DHRS3: variants seen among roughly 807,000 people sequenced by gnomAD.
The protein encoded by DHRS3 is short-chain dehydrogenase/reductase 3.
Under a neutral mutation model 27.2 loss-of-function variants are expected in DHRS3, and 14 were observed. The ratio of observed to expected loss-of-function variants is 0.52; its 90% CI spans 0.34 to 0.81. The LOEUF (loss-of-function observed/expected upper bound fraction) is 0.81. Ranked by LOEUF, DHRS3 falls within the 30% of genes least tolerant of loss-of-function variation. The pLI, the probability that DHRS3 is intolerant of heterozygous loss-of-function variation, is 0.01. For missense variants in DHRS3, 322 were observed against 406.2 expected (o/e 0.79, Z 1.78); for synonymous variants, 165 against 175.9 (o/e 0.94, Z 0.49).
chr1:12,611,689 G>A (rs1254251777), intron 1 of DHRS3, among the ~76,000 whole-genome samples: 2 of 152,060 alleles, frequency 1.3e-5, no homozygotes, highest in South Asian at 2.1e-4. Context: ...TGTGTAAGAC[G>A]AGAATTTTTG....
At chr1:12,585,215 CTG>C (rs141619246) in intron 1 of DHRS3, among the ~76,000 whole-genome samples, 7 of 12,142 alleles carry the variant, frequency 5.8e-4, no homozygotes, top group Non-Finnish European at 1.5e-3. Context: ...CTGTGTATCT[CTG>C]TGTGTGTGTG....
At position 12,617,628 on chromosome 1, in the gene DHRS3, T is replaced by G. The variant is rs1448628613; in HGVS notation, c.-280A>C. ...GGGGGAAGCCGGAGGTGGAAAGTTC[T>G]AACAAGAAGTTTCTTGCCCCAGCAG... On this transcript the variant is annotated 5_prime_UTR_variant, in exon 1 of 6. Coordinates refer to ENST00000616661, the MANE Select transcript of DHRS3 (RefSeq NM_004753.7). The G allele has an allele frequency of 1.7e-5, 5 of 299,448 alleles. No individual in the cohort carries two copies. Among genetic ancestry groups the G allele is most frequent in the Non-Finnish European group, 3.0e-5 (5 of 165,848 alleles). 18.5% of individuals were successfully genotyped at this position (299,448 alleles called of 1,614,324 possible). A position where few individuals can be genotyped will look rare whatever the true frequency, so the allele number is the denominator to read the frequency against.
Position 12,578,038 on chromosome 1 carries a change from T to C in DHRS3, c.698+680A>G, listed in dbSNP as rs1233572155. Among the ~76,000 whole-genome samples the C allele has an allele frequency of 6.6e-6, 1 of 152,130 alleles. No individual in the cohort carries two copies. The highest frequency in any genetic ancestry group is 1.5e-5 in the Non-Finnish European group (1 of 68,022). On this transcript the variant is annotated intron_variant, in intron 4 of 5. Transcript: ENST00000616661. This position sits in a 1 kb window ranked among gnomAD's most constrained non-coding sequence, Gnocchi z 4.5. ...GGGGAAGCCACGGGTCTGATTTCCA[T>C]CACCCTAACCCAGTTTTGCCTGTTT...
intron 4 of DHRS3, among the ~76,000 whole-genome samples, chr1:12,577,626 A>C (rs530301045): frequency 6.6e-6 from 1 of 152,236 alleles, no homozygotes; most frequent in South Asian, 2.1e-4. Flanking sequence ...GGAGTTTGAG[A>C]TCAGCCTGGC....
intron 5 of DHRS3, among the ~76,000 whole-genome samples, chr1:12,571,615 C>T (rs530303451): frequency 4.0e-5 from 6 of 150,968 alleles, no homozygotes; most frequent in African/African-American, 1.5e-4. Flanking sequence ...ACCTCAACCT[C>T]TGCCTCCTGG....
chr1:12,601,473 GGAGA>G (rs1246039605), intron 1 of DHRS3, among the ~76,000 whole-genome samples: 2 of 152,092 alleles, frequency 1.3e-5, no homozygotes, highest in African/African-American at 4.8e-5. Flanking sequence ...CAAAGTGAGG[GGAGA>G]GAGAAACTCT....
intron 1 of DHRS3, among the ~76,000 whole-genome samples, chr1:12,616,178 G>T (rs978936109): frequency 6.6e-6 from 1 of 152,144 alleles, no homozygotes. Context: ...CTGGCTTTGC[G>T]GCCCTTTCAC....
chr1:12,587,575 A>G (rs541232714), intron 1 of DHRS3, among the ~76,000 whole-genome samples: 6 of 151,986 alleles, frequency 3.9e-5, no homozygotes, highest in Admixed American at 2.6e-4. Flanking sequence ...TTAAAAATAG[A>G]AGGTGGGGCT....
At chr1:12,580,398 G>A in intron 2 of DHRS3, 125 bp downstream of exon 2, 2 of 1,369,218 alleles carry the variant, frequency 1.5e-6, no homozygotes, top group Non-Finnish European at 2.0e-6. Flanking sequence ...GTCCCCAAAG[G>A]TGCCCCGGGC....
chr1:12,592,194 C>T lies in DHRS3; in HGVS notation c.196-11528G>A, dbSNP rs946817553. Among the ~76,000 whole-genome samples, 5 of 152,350 alleles carry T rather than the reference C, an allele frequency of 3.3e-5. No individual in the cohort carries two copies. The highest frequency in any genetic ancestry group is 6.5e-5 in the Admixed American group (1 of 15,306). ...GACCTTTACTGCAGGCTGGATCCTGCTCTGGGCTCTTAGACTGAATCCTCT... is the reference window on the plus strand; with the variant it reads ...GACCTTTACTGCAGGCTGGATCCTGTTCTGGGCTCTTAGACTGAATCCTCT... On this transcript the variant is annotated intron_variant, in intron 1 of 5. Transcript: ENST00000616661. This position sits in a 1 kb window ranked among gnomAD's most constrained non-coding sequence, Gnocchi z 4.2.
chr1:12,582,839 CTCCATCCATCCA>C (rs1191707118), intron 1 of DHRS3, among the ~76,000 whole-genome samples: 146 of 143,304 alleles, frequency 1.0e-3, no homozygotes, highest in Non-Finnish European at 1.8e-3. Context: ...GTCTACCCAA[CTCCATCCATCCA>C]TCCATCCATC....
At chr1:12,576,511 G>A (rs1427719971) in intron 4 of DHRS3, among the ~76,000 whole-genome samples, 5 of 151,712 alleles carry the variant, frequency 3.3e-5, no homozygotes, top group African/African-American at 4.8e-5. Flanking sequence ...GCAGTGAGCC[G>A]AGATGGCACC....
At chr1:12,587,611 G>T (rs1646708662) in intron 1 of DHRS3, among the ~76,000 whole-genome samples, 1 of 152,132 alleles carries the variant, frequency 6.6e-6, no homozygotes, top group African/African-American at 2.4e-5. Flanking sequence ...GGAGGCTGAG[G>T]TGGGAGGATT....
chr1:12,584,696 T>C (rs190604817), intron 1 of DHRS3, among the ~76,000 whole-genome samples: 25 of 152,272 alleles, frequency 1.6e-4, no homozygotes, highest in Admixed American at 1.2e-3. Flanking sequence ...CAAGTCTACC[T>C]GGGCGCCCCA....
chr1:12,610,189 G>A (rs550241056), intron 1 of DHRS3, among the ~76,000 whole-genome samples: 18 of 151,460 alleles, frequency 1.2e-4, no homozygotes, highest in South Asian at 2.1e-4. Context: ...AGCAATTCTC[G>A]TGCCTCAGAC....
Position 12,572,769 on chromosome 1 carries a change from G to A in DHRS3, c.783C>T (p.Leu261=). The change falls in exon 5 of 6, where the codon CTC becomes CTT. Residue 261 remains leucine (L), a synonymous_variant. Transcript: ENST00000616661. ...VEAVQLNQAL[L]LLPWTMHALV... The stretch of plus-strand genomic sequence containing the variant: ...GGGCATGCATTGTCCATGGGAGGAG[G>A]AGGAGGGCCTGGTTGAGCTGCACAG... The A allele has an allele frequency of 1.2e-6, 2 of 1,611,538 alleles. No individual in the cohort carries two copies. Among genetic ancestry groups the A allele is most frequent in the Non-Finnish European group, 1.7e-6 (2 of 1,179,032 alleles).
At chr1:12,580,227 T>C (rs1570363367) in intron 2 of DHRS3, 2 of 439,020 alleles carry the variant, frequency 4.6e-6, no homozygotes, top group Non-Finnish European at 8.5e-6. Context: ...ATGACTGGAG[T>C]CAGAAGGATT....
chr1:12,572,384 A>T (rs974544262), intron 5 of DHRS3, among the ~76,000 whole-genome samples: 2 of 152,030 alleles, frequency 1.3e-5, no homozygotes, highest in African/African-American at 4.8e-5. Context: ...TTTAGCCAGG[A>T]TGGTCTCAAT....
chr1:12,589,391 C>CTTTTTT, intron 1 of DHRS3, among the ~76,000 whole-genome samples: 1 of 136,416 alleles, frequency 7.3e-6, no homozygotes, highest in Admixed American at 7.4e-5. Flanking sequence ...TTTTCTTTTT[C>CTTTTTT]TTTTTTTTTT....
Sources: allele counts gnomAD v4.1 joint callset (sites outside exome capture counted in the v4.1 genomes callset), GRCh38; gene constraint gnomAD v4.1.1; non-coding constraint Gnocchi (gnomAD v3.1); transcripts MANE v1.5; gene names NCBI Gene and HGNC (gene_info 2026-07-23, HGNC 2026-07-21).